Variants in EXOC6B observed in about 807,000 individuals in gnomAD.
EXOC6B encodes the protein SEC15 homolog B.
Under a neutral mutation model 113.5 loss-of-function variants are expected in EXOC6B, and 54 were observed. The ratio of observed to expected loss-of-function variants is 0.48; its 90% CI spans 0.38 to 0.60. EXOC6B has a LOEUF of 0.60. Ranked by LOEUF, EXOC6B falls within the 20% of genes least tolerant of loss-of-function variation. EXOC6B has a pLI of 0.00. For missense variants in EXOC6B, 797 were observed against 977.5 expected, an observed-to-expected ratio of 0.82 and a Z score of 2.46; for synonymous variants, 357 against 339.0, an observed-to-expected ratio of 1.05 and a Z score of -0.58.
intron 1 of EXOC6B, among the ~76,000 whole-genome samples, chr2:72,770,947 C>T (rs909053535): frequency 9.2e-5 from 14 of 152,078 alleles, no homozygotes; most frequent in Non-Finnish European, 1.9e-4. Context: ...CCCCTCGCCC[C>T]CAGAAAAATT....
chr2:72,401,922 A>G (rs1183416038), intron 18 of EXOC6B, among the ~76,000 whole-genome samples: 1 of 151,504 alleles, frequency 6.6e-6, no homozygotes, highest in African/African-American at 2.4e-5. Context: ...AACAGAAATG[A>G]CAAATGCAAG....
At chr2:72,389,548 T>G (rs1236557072) in intron 18 of EXOC6B, among the ~76,000 whole-genome samples, 1 of 152,114 alleles carries the variant, frequency 6.6e-6, no homozygotes, top group Admixed American at 6.5e-5. Flanking sequence ...TCTGAAAAAC[T>G]TAATTTGATA....
At chr2:72,298,848 G>A (rs1248817099) in intron 20 of EXOC6B, among the ~76,000 whole-genome samples, 1 of 152,204 alleles carries the variant, frequency 6.6e-6, no homozygotes, top group Non-Finnish European at 1.5e-5. Flanking sequence ...TCTGCAGAGA[G>A]ATCCGCTGTT....
intron 16 of EXOC6B, among the ~76,000 whole-genome samples, chr2:72,484,880 A>C (rs1032256190): frequency 4.6e-5 from 7 of 152,168 alleles, no homozygotes; most frequent in Admixed American, 3.3e-4. Context: ...TGACTTTGCT[A>C]CTGTAAATAG....
intron 18 of EXOC6B, among the ~76,000 whole-genome samples, chr2:72,391,631 G>C (rs1306922752): frequency 6.6e-6 from 1 of 152,152 alleles, no homozygotes; most frequent in Non-Finnish European, 1.5e-5. Context: ...TTTAAGTACT[G>C]CTTTGTATCA....
At chr2:72,795,324 TA>T (rs906966052) in intron 1 of EXOC6B, among the ~76,000 whole-genome samples, 1 of 152,178 alleles carries the variant, frequency 6.6e-6, no homozygotes, top group African/African-American at 2.4e-5. Context: ...CCCAAAATAT[TA>T]AAAATATGTT....
At chr2:72,242,321 G>A (rs1387578496) in intron 20 of EXOC6B, among the ~76,000 whole-genome samples, 1 of 152,276 alleles carries the variant, frequency 6.6e-6, no homozygotes, top group East Asian at 1.9e-4. Flanking sequence ...CTATAGTTAT[G>A]AATAAGTGAA....
At chr2:72,616,170 T>C (rs1325436441) in intron 6 of EXOC6B, among the ~76,000 whole-genome samples, 3 of 152,098 alleles carry the variant, frequency 2.0e-5, no homozygotes, top group Non-Finnish European at 4.4e-5. Context: ...CCCATGTTCA[T>C]GGATTAATAT....
chr2:72,824,951 ATCTGTGCCCTG>A (rs1221467846), intron 1 of EXOC6B, among the ~76,000 whole-genome samples: 1 of 152,180 alleles, frequency 6.6e-6, no homozygotes, highest in African/African-American at 2.4e-5. Flanking sequence ...CACTTAACCT[ATCTGTGCCCTG>A]TCTGTAAAAG....
chr2:72,475,586 G>T (rs646357), intron 17 of EXOC6B, among the ~76,000 whole-genome samples: 18,111 of 152,124 alleles, frequency 0.12, 1,203 homozygotes, highest in African/African-American at 0.18. Context: ...GCAGGTCAAA[G>T]CTGAGCCAAA....
intron 18 of EXOC6B, among the ~76,000 whole-genome samples, chr2:72,433,019 C>A (rs1012882107): frequency 6.6e-6 from 1 of 152,122 alleles, no homozygotes; most frequent in East Asian, 1.9e-4. Flanking sequence ...CCTAGGTTTT[C>A]TTCTACAGTT....
intron 20 of EXOC6B, among the ~76,000 whole-genome samples, chr2:72,215,207 AAAT>A (rs1680445559): frequency 6.6e-6 from 1 of 152,194 alleles, no homozygotes; most frequent in African/African-American, 2.4e-5. Flanking sequence ...ATGGATATCC[AAAT>A]CAGTAAGTCT....
At chr2:72,553,538 T>C (rs182912970) in intron 8 of EXOC6B, among the ~76,000 whole-genome samples, 32 of 152,134 alleles carry the variant, frequency 2.1e-4, no homozygotes, top group Non-Finnish European at 3.4e-4. Flanking sequence ...ATACCATCTA[T>C]ATTTTGATAT....
In EXOC6B at chr2:72,498,563, T is replaced by C. The variant is rs115983782; in HGVS notation, c.1240-12A>G. On this transcript the variant is annotated splice_polypyrimidine_tract_variant and intron_variant, in intron 12 of 21. Transcript: ENST00000272427. ...GGGAAACCATACACCTGAAACAAAA[T>C]AAGAAAATCACTTCAGTGTCTAAGG... is the stretch of plus-strand genomic sequence containing the variant. 403 of 1,572,400 alleles carry C rather than the reference T, an allele frequency of 2.6e-4. 1 individual carries two copies. In the African/African-American group the frequency reaches 4.9e-3, roughly 19 times the overall value.
intron 6 of EXOC6B, among the ~76,000 whole-genome samples, chr2:72,593,078 G>A (rs865805826): frequency 7.9e-5 from 12 of 152,130 alleles, no homozygotes; most frequent in African/African-American, 2.7e-4. Flanking sequence ...AAACAACAGG[G>A]TTGGAGAGCT....
intron 6 of EXOC6B, among the ~76,000 whole-genome samples, chr2:72,688,856 T>A (rs1454513705): frequency 6.6e-6 from 1 of 152,212 alleles, no homozygotes; most frequent in Admixed American, 6.5e-5. Flanking sequence ...CCAAACATTA[T>A]CAAGCACTTT....
intron 20 of EXOC6B, among the ~76,000 whole-genome samples, chr2:72,253,423 T>G (rs1368381710): frequency 6.6e-6 from 1 of 152,170 alleles, no homozygotes; most frequent in Admixed American, 6.5e-5. Context: ...CTATTCACAA[T>G]AGCAAAGTCA....
chr2:72,313,876 C>G (rs1687353081), intron 20 of EXOC6B, among the ~76,000 whole-genome samples: 2 of 152,162 alleles, frequency 1.3e-5, no homozygotes, highest in Admixed American at 6.5e-5. Flanking sequence ...CAATTAAATA[C>G]TATAATCCCT....
chr2:72,228,626 T>C (rs1176226672), intron 20 of EXOC6B, among the ~76,000 whole-genome samples: 2 of 152,180 alleles, frequency 1.3e-5, no homozygotes, highest in African/African-American at 4.8e-5. Context: ...TAGTATTCCA[T>C]GGTGTATATG....
Sources: gnomAD v4.1 joint callset for allele counts (sites outside exome capture counted in the v4.1 genomes callset) on GRCh38, gnomAD v4.1.1 for gene constraint, MANE v1.5 for transcripts, NCBI Gene and HGNC (gene_info 2026-07-23, HGNC 2026-07-21) for gene names.